The following SLCO5A1 variants were observed in gnomAD, a reference collection of about 807,000 sequenced individuals.
The protein encoded by SLCO5A1 is organic anion transporter polypeptide-related protein 4.
SLCO5A1 carries 39 observed loss-of-function variants against 65.1 expected under a neutral mutation model. The ratio of observed to expected loss-of-function variants is 0.60; its 90% CI spans 0.46 to 0.78. SLCO5A1 has a LOEUF of 0.78. Ranked by LOEUF, SLCO5A1 falls within the 30% of genes least tolerant of loss-of-function variation. SLCO5A1 has a pLI of 0.00. For missense variants in SLCO5A1, 1,029 were observed against 1,069.4 expected (o/e 0.96, Z 0.53); for synonymous variants, 438 against 415.7 (o/e 1.05, Z -0.65).
At position 69,761,726 on chromosome 8, in the gene SLCO5A1, T is replaced by C. The variant is rs753831209; in HGVS notation, c.1040+17A>G. The C allele has an allele frequency of 1.2e-6, 2 of 1,607,484 alleles. No individual in the cohort carries two copies. The highest frequency in any genetic ancestry group is 1.7e-6 in the Non-Finnish European group (2 of 1,178,622). On this transcript the variant is annotated intron_variant, in intron 3 of 9. Transcript: ENST00000260126. The stretch of plus-strand genomic sequence containing the variant: ...TTAGTAAGAACTGAAATTTAAAAAT[T>C]AGAAAACAGAACTTACCAGTTTCCA...
At chr8:69,778,751 A>C (rs1256281963) in intron 2 of SLCO5A1, among the ~76,000 whole-genome samples, 1 of 152,226 alleles carries the variant, frequency 6.6e-6, no homozygotes, top group East Asian at 1.9e-4. Flanking sequence ...AGGCCTTTAC[A>C]GGACAATGGA....
In SLCO5A1 at chr8:69,831,982, G is replaced by A. The variant is rs1334962436; in HGVS notation, c.692C>T (p.Ala231Val). The A allele has an allele frequency of 2.5e-6, 4 of 1,594,340 alleles. No individual in the cohort carries two copies. The highest frequency in any genetic ancestry group is 1.7e-6 in the Non-Finnish European group (2 of 1,170,788). The change falls in exon 2 of 10, where the codon GCC (alanine) becomes GTC (valine). Residue 231 changes from alanine to valine, a missense_variant. Ala to Val is a moderately conservative substitution (Grantham distance 64). Coordinates refer to ENST00000260126, the MANE Select transcript of SLCO5A1 (RefSeq NM_030958.3). ...ACCCTGACACAGGCCGTCGTTGGGG[G>A]CCGAGGCGTTCAACTCTTGGATCTG... ...PYQIQELNASAPNDGLCQGGN... is the reference protein window; with the variant it reads ...PYQIQELNASVPNDGLCQGGN...
At chr8:69,777,741 G>A (rs554086549) in intron 2 of SLCO5A1, among the ~76,000 whole-genome samples, 57 of 152,266 alleles carry the variant, frequency 3.7e-4, no homozygotes, top group African/African-American at 1.3e-3. Context: ...GCGTCCCGAC[G>A]CTGTTTATGC....
At chr8:69,824,374 C>G (rs1053129868) in intron 2 of SLCO5A1, among the ~76,000 whole-genome samples, 1 of 151,866 alleles carries the variant, frequency 6.6e-6, no homozygotes, top group Non-Finnish European at 1.5e-5. Context: ...ATTGATAGAC[C>G]GCTAGCAAGA....
intron 2 of SLCO5A1, among the ~76,000 whole-genome samples, chr8:69,826,441 AC>A (rs1563378525): frequency 4.0e-5 from 6 of 151,488 alleles, no homozygotes. Context: ...CAAGAAAAAA[AC>A]AAACAACCCC....
At chr8:69,705,818 A>G (rs1231456878) in intron 5 of SLCO5A1, among the ~76,000 whole-genome samples, 3 of 152,262 alleles carry the variant, frequency 2.0e-5, no homozygotes, top group Non-Finnish European at 4.4e-5. Context: ...GATGTAACGT[A>G]CTGGGAACTC....
At chr8:69,792,239 C>A (rs750765584) in intron 2 of SLCO5A1, among the ~76,000 whole-genome samples, 2 of 151,638 alleles carry the variant, frequency 1.3e-5, no homozygotes, top group Non-Finnish European at 2.9e-5. Flanking sequence ...GCAGTGCTAT[C>A]GCAATTCACA....
intron 2 of SLCO5A1, among the ~76,000 whole-genome samples, chr8:69,780,695 A>C (rs1818756031): frequency 1.3e-5 from 2 of 152,304 alleles, no homozygotes; most frequent in Middle Eastern, 3.4e-3. Context: ...TAATGGGTAC[A>C]ATGTATGGTA....
chr8:69,765,469 A>G (rs1195371635), intron 2 of SLCO5A1, among the ~76,000 whole-genome samples: 1 of 152,012 alleles, frequency 6.6e-6, no homozygotes, highest in Non-Finnish European at 1.5e-5. Flanking sequence ...TTTAGTAAAT[A>G]AGTCATTCTC....
chr8:69,801,646 T>C (rs531160485), intron 2 of SLCO5A1, among the ~76,000 whole-genome samples: 27 of 152,204 alleles, frequency 1.8e-4, no homozygotes, highest in Non-Finnish European at 3.2e-4. Context: ...GTATATTCAT[T>C]TGAATGCAAA....
rs1248896174 is a variant in SLCO5A1 at position 69,832,985 on chromosome 8, C to G, written c.-312G>C. 2.7e-6 allele frequency: 1 copy of G among 376,122 alleles called. No homozygotes were observed. Among genetic ancestry groups the G allele is most frequent in the African/African-American group, 2.2e-5 (1 of 46,366 alleles). 23.3% of individuals were successfully genotyped at this position (376,122 alleles called of 1,614,324 possible). A position where few individuals can be genotyped will look rare whatever the true frequency, so the allele number is the denominator to read the frequency against. ...AGGCAGGCGCCTCGCGCGTCCCGGG[C>G]TCATCCCCTCCGCCGCCGCCGCCGC... On this transcript the variant is annotated 5_prime_UTR_variant, in exon 2 of 10. Coordinates refer to ENST00000260126, the MANE Select transcript of SLCO5A1 (RefSeq NM_030958.3). The surrounding 1 kb of genome is among the most constrained non-coding windows in gnomAD (Gnocchi z 4.5).
rs1333135457 is a variant in SLCO5A1, at chr8:69,679,579, T to C, written c.1823A>G (p.Gln608Arg). The C allele has an allele frequency of 1.2e-6, 2 of 1,614,234 alleles. No individual in the cohort carries two copies. The highest frequency in any genetic ancestry group is 2.2e-5 in the East Asian group (1 of 44,880). Residue 608 changes from glutamine (Q) to arginine (R), a missense_variant, in exon 8 of 10, where the codon CAA becomes CGA. Physicochemically the swap from Gln to Arg is conservative, Grantham distance 43. Transcript: ENST00000260126. The stretch of plus-strand genomic sequence containing the variant: ...TCCCACGGTGGGTGGAGTGATCACT[T>C]GGCGACTTTGGACACAGGTGCATTC... The part of the protein sequence containing the change: ...YTECTCVQSR[Q>R]VITPPTVGQR...
At chr8:69,799,124 T>G (rs930603013) in intron 2 of SLCO5A1, among the ~76,000 whole-genome samples, 1 of 152,192 alleles carries the variant, frequency 6.6e-6, no homozygotes, top group African/African-American at 2.4e-5. Flanking sequence ...AGCAATGAGA[T>G]TTGTGTGTGT....
chr8:69,804,832 T>C (rs531697399), intron 2 of SLCO5A1, among the ~76,000 whole-genome samples: 5 of 152,188 alleles, frequency 3.3e-5, no homozygotes, highest in Admixed American at 2.0e-4. Flanking sequence ...AAGGGAGAGT[T>C]GAACACACAT....
At chr8:69,687,029 C>T (rs957714313) in intron 6 of SLCO5A1, among the ~76,000 whole-genome samples, 7 of 134,782 alleles carry the variant, frequency 5.2e-5, no homozygotes, top group African/African-American at 1.2e-4. Flanking sequence ...GGACATAACA[C>T]GCGCTAAGAT....
chr8:69,827,304 TA>T (rs1563379141), intron 2 of SLCO5A1, among the ~76,000 whole-genome samples: 1 of 151,824 alleles, frequency 6.6e-6, no homozygotes, highest in Non-Finnish European at 1.5e-5. Flanking sequence ...TAATAATATT[TA>T]AAAAAAGAGA....
At chr8:69,734,191 C>T (rs1816456643) in intron 5 of SLCO5A1, among the ~76,000 whole-genome samples, 1 of 152,166 alleles carries the variant, frequency 6.6e-6, no homozygotes. Flanking sequence ...GAGCAGATTT[C>T]CCACCCTGCA....
At chr8:69,787,642 C>T (rs1819089455) in intron 2 of SLCO5A1, among the ~76,000 whole-genome samples, 1 of 152,208 alleles carries the variant, frequency 6.6e-6, no homozygotes, top group Non-Finnish European at 1.5e-5. Context: ...CAAGTATTCA[C>T]ACTAAGTATG....
intron 2 of SLCO5A1, 142 bp downstream of exon 2, chr8:69,831,625 G>C (rs1821155488): frequency 1.1e-6 from 1 of 921,958 alleles, no homozygotes; most frequent in Non-Finnish European, 1.6e-6. Context: ...ACACACTACA[G>C]CAAGGCTAAA....
Sources: allele counts gnomAD v4.1 joint callset (sites outside exome capture counted in the v4.1 genomes callset), GRCh38; gene constraint gnomAD v4.1.1; non-coding constraint Gnocchi (gnomAD v3.1); transcripts MANE v1.5; gene names NCBI Gene and HGNC (gene_info 2026-07-23, HGNC 2026-07-21).